MPPED1: variants seen among roughly 807,000 people sequenced by gnomAD.
MPPED1 encodes metallophosphoesterase domain-containing protein 1.
In MPPED1, 16 loss-of-function variants were observed where a neutral mutation model predicts 36.2. That is an observed-to-expected ratio of 0.44 (90% CI 0.30 to 0.67). MPPED1 has a LOEUF of 0.67. Among genes scored for constraint, MPPED1 ranks in the 30% least tolerant of loss-of-function variants. The probability of loss-of-function intolerance (pLI) is 0.10; values close to 1 mark genes in which losing one functional copy is unlikely to be tolerated. For missense variants in MPPED1, 307 were observed against 453.4 expected (o/e 0.68, Z 2.93); for synonymous variants, 199 against 191.3 (o/e 1.04, Z -0.33).
intron 3 of MPPED1, among the ~76,000 whole-genome samples, chr22:43,464,315 GTGTGTGT>G (rs1931085703): frequency 6.6e-6 from 1 of 151,784 alleles, no homozygotes; most frequent in Admixed American, 6.6e-5. Flanking sequence ...GTGTGTGTGT[GTGTGTGT>G]GTGTGTGTGT....
At position 43,470,397 on chromosome 22, in the gene MPPED1, CATCT is replaced by C. The variant is rs533519573; in HGVS notation, c.407-4338_407-4335del. On this transcript the variant is annotated intron_variant, in intron 3 of 6. Coordinates refer to ENST00000443721, the MANE Select transcript of MPPED1 (RefSeq NM_001044370.2). ...CAAAGCACCCATTCATCCACTCATCCATCTGTCTATCTGTAAGCCATCCATTCAT... is the reference window on the plus strand; with the variant it reads ...CAAAGCACCCATTCATCCACTCATCCGTCTATCTGTAAGCCATCCATTCAT... 4.0e-4 allele frequency among the ~76,000 whole-genome samples: 61 copies of C among 152,086 alleles called. 1 individual carries two copies. The highest frequency in any genetic ancestry group is 1.4e-3 in the African/African-American group (58 of 41,484).
chr22:43,503,528 T>C (rs1932767361), intron 6 of MPPED1, among the ~76,000 whole-genome samples: 1 of 152,130 alleles, frequency 6.6e-6, no homozygotes, highest in Admixed American at 6.5e-5. Context: ...CCACATTGCC[T>C]GGTCCATATT....
intron 1 of MPPED1, among the ~76,000 whole-genome samples, chr22:43,424,172 C>T (rs1008771877): frequency 2.0e-5 from 3 of 152,176 alleles, no homozygotes; most frequent in Non-Finnish European, 2.9e-5. Flanking sequence ...TGACGGGGCA[C>T]ATTAGGGTTC....
At chr22:43,419,963 A>G (rs1929207390) in intron 1 of MPPED1, among the ~76,000 whole-genome samples, 1 of 152,184 alleles carries the variant, frequency 6.6e-6, no homozygotes, top group South Asian at 2.1e-4. Context: ...AAACCATCTG[A>G]TAAGAGAATC....
intron 3 of MPPED1, among the ~76,000 whole-genome samples, chr22:43,435,909 A>G (rs576931613): frequency 1.9e-4 from 29 of 152,302 alleles, no homozygotes; most frequent in African/African-American, 6.7e-4. Context: ...GGGTGAATGC[A>G]TGAGTGACAC....
At chr22:43,498,456 C>A in intron 5 of MPPED1, 106 bp downstream of exon 5, 1 of 770,102 alleles carries the variant, frequency 1.3e-6, no homozygotes, top group Non-Finnish European at 2.0e-6. Context: ...TGGAGGGGTT[C>A]TGAGTCCCAC....
At chr22:43,423,533 G>C (rs1929351544) in intron 1 of MPPED1, among the ~76,000 whole-genome samples, 1 of 152,232 alleles carries the variant, frequency 6.6e-6, no homozygotes, top group South Asian at 2.1e-4. Context: ...GAATCAGGAA[G>C]TGTCTTTAGA....
At chr22:43,465,710 G>A (rs1487019520) in intron 3 of MPPED1, among the ~76,000 whole-genome samples, 3 of 152,172 alleles carry the variant, frequency 2.0e-5, no homozygotes, top group African/African-American at 7.2e-5. Flanking sequence ...GTGGCCCTGG[G>A]GTTGGCTGAT....
At chr22:43,494,594 G>T (rs766636742) in intron 4 of MPPED1, among the ~76,000 whole-genome samples, 6 of 151,698 alleles carry the variant, frequency 4.0e-5, no homozygotes, top group Non-Finnish European at 5.9e-5. Context: ...CCCCATCTTA[G>T]CTTGATTTCA....
intron 4 of MPPED1, among the ~76,000 whole-genome samples, chr22:43,478,235 A>G (rs529332821): frequency 4.8e-4 from 73 of 152,286 alleles, no homozygotes; most frequent in African/African-American, 1.7e-3. Context: ...CGTTCTCAGA[A>G]CAGCCTTTGG....
chr22:43,452,015 T>C (rs1268958657), intron 3 of MPPED1, among the ~76,000 whole-genome samples: 3 of 149,172 alleles, frequency 2.0e-5, no homozygotes, highest in African/African-American at 7.6e-5. Flanking sequence ...TTTTTCTTTT[T>C]TTCTTTCTTT....
intron 4 of MPPED1, among the ~76,000 whole-genome samples, chr22:43,475,725 A>ATGATGGTGGTGG (rs1931545708): frequency 1.5e-5 from 1 of 64,794 alleles, no homozygotes; most frequent in Non-Finnish European, 3.3e-5. Context: ...GGTGATGGTG[A>ATGATGGTGGTGG]TGATGATGGT....
At chr22:43,476,333 G>C (rs1186625218) in intron 4 of MPPED1, among the ~76,000 whole-genome samples, 1 of 152,140 alleles carries the variant, frequency 6.6e-6, no homozygotes, top group African/African-American at 2.4e-5. Flanking sequence ...ATCCTGGAAG[G>C]CTCCCTGGAG....
chr22:43,417,849 A>G, intron 1 of MPPED1: 1 of 353,774 alleles, frequency 2.8e-6, no homozygotes, highest in South Asian at 2.2e-5. Flanking sequence ...AGTCGCTCCT[A>G]CTCTCAGTTA....
chr22:43,458,299 T>C lies in MPPED1; in HGVS notation c.407-16437T>C, dbSNP rs1032085897. Among the ~76,000 whole-genome samples the C allele has an allele frequency of 7.9e-5, 12 of 152,226 alleles. 1 individual carries two copies. The Middle Eastern group carries it at 0.01, about 129-fold the overall frequency. On this transcript the variant is annotated intron_variant, in intron 3 of 6. Transcript: ENST00000443721. ...AATACAATTGTACTGTCTTTTTTTTTTTTTTGAGACAGAGTCTCACTCTGT... is the reference window on the plus strand; with the variant it reads ...AATACAATTGTACTGTCTTTTTTTTCTTTTTGAGACAGAGTCTCACTCTGT...
At chr22:43,431,343 T>C (rs1929680114) in intron 2 of MPPED1, among the ~76,000 whole-genome samples, 1 of 152,098 alleles carries the variant, frequency 6.6e-6, no homozygotes, top group African/African-American at 2.4e-5. Context: ...GTGCCTGGCC[T>C]CTTTCTCCAT....
At position 43,460,398 on chromosome 22, in the gene MPPED1, G is replaced by A. The variant is rs571762359; in HGVS notation, c.407-14338G>A. 1.4e-3 allele frequency among the ~76,000 whole-genome samples: 212 copies of A among 151,244 alleles called. 3 individuals carry two copies. The highest frequency in any genetic ancestry group is 4.8e-3 in the African/African-American group (200 of 41,246). ...CAGGTTGGAGTGCAGTGGCACAATCGTGGCTCACTGCAATATCCGTCTCCT... is the reference window on the plus strand; with the variant it reads ...CAGGTTGGAGTGCAGTGGCACAATCATGGCTCACTGCAATATCCGTCTCCT... On this transcript the variant is annotated intron_variant, in intron 3 of 6. Coordinates refer to ENST00000443721, the MANE Select transcript of MPPED1 (RefSeq NM_001044370.2).
intron 3 of MPPED1, among the ~76,000 whole-genome samples, chr22:43,447,070 T>G (rs1314244714): frequency 6.6e-6 from 1 of 151,934 alleles, no homozygotes; most frequent in East Asian, 1.9e-4. Context: ...GGTGCCTTCC[T>G]CCCCCCTGCT....
intron 4 of MPPED1, among the ~76,000 whole-genome samples, chr22:43,487,821 G>A (rs754733452): frequency 9.2e-5 from 14 of 152,238 alleles, no homozygotes; most frequent in South Asian, 2.1e-4. Context: ...TGAAACGGGC[G>A]GGCCTCCCAA....
Sources: gnomAD v4.1 joint callset for allele counts (sites outside exome capture counted in the v4.1 genomes callset) on GRCh38, gnomAD v4.1.1 for gene constraint, MANE v1.5 for transcripts, NCBI Gene and HGNC (gene_info 2026-07-23, HGNC 2026-07-21) for gene names.